Variants in ADAM33 observed in about 807,000 individuals in gnomAD.
ADAM33 encodes ADAM metallopeptidase domain 33.
A neutral mutation model predicts 106.2 loss-of-function variants in ADAM33; 103 were observed. That is an observed-to-expected ratio of 0.97 (90% CI 0.83 to 1.14). The LOEUF (loss-of-function observed/expected upper bound fraction) is 1.14. Ranked by LOEUF, ADAM33 falls within the 50% of genes most tolerant of loss-of-function variation. ADAM33 has a pLI of 0.00. For missense variants in ADAM33, 1,120 were observed against 1,096.6 expected, an observed-to-expected ratio of 1.02 and a Z score of -0.30; for synonymous variants, 483 against 453.0, an observed-to-expected ratio of 1.07 and a Z score of -0.84.
intron 21 of ADAM33, 89 bp from the exon 22 acceptor site, chr20:3,669,089 G>T: frequency 6.8e-7 from 1 of 1,467,006 alleles, no homozygotes; most frequent in South Asian, 1.1e-5. Flanking sequence ...ACTCAGTGAG[G>T]ACCAGTGATC....
intron 2 of ADAM33, among the ~76,000 whole-genome samples, chr20:3,678,232 G>GAT (rs1334929170): frequency 6.6e-6 from 1 of 152,256 alleles, no homozygotes; most frequent in Non-Finnish European, 1.5e-5. Flanking sequence ...CCTGCCCCTT[G>GAT]ATATATACCC....
Position 3,672,849 on chromosome 20 carries a change from C to T in ADAM33, c.1183G>A (p.Ala395Thr). Residue 395 changes from alanine to threonine, a missense_variant, in exon 12 of 22, where the codon GCC becomes ACC. Ala to Thr is a moderately conservative substitution (Grantham distance 58). Transcript: ENST00000356518. ...FSACSRRQLR[A>T]FFRKGGGACL... ...GCGCCGCCCCCCTTGCGGAAGAAGGCGCGCAGCTGGCGGCGGCTGCAGGCG... is the reference window on the plus strand; with the variant it reads ...GCGCCGCCCCCCTTGCGGAAGAAGGTGCGCAGCTGGCGGCGGCTGCAGGCG... The T allele has an allele frequency of 6.3e-7, 1 of 1,576,546 alleles. No individual in the cohort carries two copies. The highest frequency in any genetic ancestry group is 8.6e-7 in the Non-Finnish European group (1 of 1,169,244).
chr20:3,681,617 C>CTGGGGGA (rs2146495040), intron 1 of ADAM33, among the ~76,000 whole-genome samples: 1 of 152,134 alleles, frequency 6.6e-6, no homozygotes, highest in Admixed American at 6.5e-5. Context: ...GGGCTGGGGG[C>CTGGGGGA]TGGGCTGCCC....
At chr20:3,670,292 C>T (rs2087448156) in intron 19 of ADAM33, 1 of 165,674 alleles carries the variant, frequency 6.0e-6, no homozygotes, top group Non-Finnish European at 1.3e-5. Flanking sequence ...GCCCTCTGCC[C>T]CCATCTCTGG....
chr20:3,673,681 C>T lies in ADAM33; in HGVS notation c.906-23G>A, dbSNP rs1272920626. 4 of 1,349,218 alleles carry T rather than the reference C, an allele frequency of 3.0e-6. No individual in the cohort carries two copies. The African/African-American group carries it at 6.2e-5, about 21-fold the overall frequency. 83.6% of individuals were successfully genotyped at this position (1,349,218 alleles called of 1,614,324 possible). ...CCCCTGGGGGCGGAGCGCGGCGTGA[C>T]CAGGCGGGGCCGGGAGGTGAGGCCG... is the stretch of plus-strand genomic sequence containing the variant. On this transcript the variant is annotated intron_variant, in intron 9 of 21. Coordinates refer to ENST00000356518, the MANE Select transcript of ADAM33 (RefSeq NM_025220.5).
chr20:3,677,034 C>T (rs1213960599), intron 3 of ADAM33, 33 bp downstream of exon 3: 4 of 1,608,926 alleles, frequency 2.5e-6, no homozygotes, highest in Non-Finnish European at 3.4e-6. Context: ...CACTGATCCC[C>T]TCCTCCCAGC....
chr20:3,673,148 T>C (rs1366635885), intron 11 of ADAM33: 1 of 1,484,534 alleles, frequency 6.7e-7, no homozygotes, highest in Non-Finnish European at 8.9e-7. Flanking sequence ...CTCGCCAGGT[T>C]ACTCGGAAAA....
intron 19 of ADAM33, chr20:3,670,433 T>C (rs1012319174): frequency 6.2e-6 from 1 of 160,882 alleles, no homozygotes; most frequent in African/African-American, 2.4e-5. Flanking sequence ...CCATGCTTAG[T>C]ATTATGTGAC....
intron 2 of ADAM33, among the ~76,000 whole-genome samples, chr20:3,677,938 G>A (rs1275214674): frequency 1.3e-5 from 2 of 152,194 alleles, no homozygotes; most frequent in African/African-American, 2.4e-5. Context: ...AGGCTGCTGC[G>A]CCTTCGGAAT....
chr20:3,673,555 C>T lies in ADAM33; in HGVS notation c.990+19G>A. 7.1e-7 allele frequency: 1 copy of T among 1,403,306 alleles called. No individual in the cohort carries two copies. Among genetic ancestry groups the T allele is most frequent in the Admixed American group, 3.3e-5 (1 of 30,496 alleles). 86.9% of individuals were successfully genotyped at this position (1,403,306 alleles called of 1,614,324 possible). ...GTAGAGCCTCCTGTCTCTCCCTCGC[C>T]CCCGCCCGCGGGGCTCACCGTGCTC... On this transcript the variant is annotated intron_variant, in intron 10 of 21. Transcript: ENST00000356518.
chr20:3,674,575 C>A lies in ADAM33; in HGVS notation c.529G>T (p.Gly177Ter), dbSNP rs767758871. The change falls in exon 6 of 22, where the codon GGA (glycine) becomes TGA (stop). Residue 177 changes from glycine (G) to a stop codon, truncating the protein, a stop_gained. Coordinates refer to ENST00000356518, the MANE Select transcript of ADAM33 (RefSeq NM_025220.5). LOFTEE classifies it high-confidence loss of function. Reference sequence around the variant, plus strand: ...CCAGGATCCCTGTGGCCACAGGTTCCTTTCCAGGTGAGCAGCTGCTCCATC... The same window carrying A: ...CCAGGATCCCTGTGGCCACAGGTTCATTTCCAGGTGAGCAGCTGCTCCATC... ...FRMEQLLTWK[G>*]TCGHRDPGNK... 5.8e-5 allele frequency: 93 copies of A among 1,613,466 alleles called. No homozygotes were observed. The South Asian group carries it at 6.2e-4, about 11-fold the overall frequency.
In ADAM33 at chr20:3,671,900, G is replaced by C; in HGVS notation, c.1683C>G (p.Gly561=). The change falls in exon 15 of 22, where the codon GGC becomes GGG. Residue 561 remains glycine, a synonymous_variant. Coordinates refer to ENST00000356518, the MANE Select transcript of ADAM33 (RefSeq NM_025220.5). ...ACCTCCCTGCACAGGGCAGGAAGTG[G>C]CCCTCGCTGTCCTGGCCGCAGTTTC... ...AHGNCGQDSE[G]HFLPCAGRDA... is the part of the protein sequence containing the mutation. 6.4e-7 allele frequency: 1 copy of C among 1,553,910 alleles called. No individual in the cohort carries two copies.
Position 3,671,245 on chromosome 20 carries a change from T to C in ADAM33, c.2084A>G (p.Gln695Arg), listed in dbSNP as rs1227857759. 1.2e-6 allele frequency: 2 copies of C among 1,613,678 alleles called. No individual in the cohort carries two copies. The highest frequency in any genetic ancestry group is 1.7e-6 in the Non-Finnish European group (2 of 1,179,866). ...FGGSMDSGPV[Q>R]AENHDTFLLA... ...GCCCCCCACTGGCATACTTTCAGCC[T>C]GCACAGGGCCACTGTCCATGCTGCC... Residue 695 changes from glutamine to arginine, a missense_variant, in exon 18 of 22, where the codon CAG becomes CGG. Coordinates refer to ENST00000356518, the MANE Select transcript of ADAM33 (RefSeq NM_025220.5).
At chr20:3,679,203 G>A (rs1289309085) in intron 2 of ADAM33, among the ~76,000 whole-genome samples, 1 of 136,164 alleles carries the variant, frequency 7.3e-6, no homozygotes, top group East Asian at 2.1e-4. Context: ...ACCCATTTCT[G>A]CCTGGTGGGG....
At chr20:3,669,267 G>T (rs758884444) in intron 21 of ADAM33, 32 bp downstream of exon 21, 7 of 1,553,414 alleles carry the variant, frequency 4.5e-6, no homozygotes, top group African/African-American at 4.1e-5. Flanking sequence ...GGCGATGAGA[G>T]GGGGAGGCTT....
In ADAM33 at chr20:3,672,653, C is replaced by T. The variant is rs745871466; in HGVS notation, c.1312-27G>A. On this transcript the variant is annotated intron_variant, in intron 12 of 21. Coordinates refer to ENST00000356518, the MANE Select transcript of ADAM33 (RefSeq NM_025220.5). ...TGGGACCAGAAAGGCAAGAAGGGCC[C>T]AGGTGAGGGCGCAGCGCCCCAGACC... The T allele has an allele frequency of 5.0e-6, 8 of 1,612,140 alleles. No homozygotes were observed. The South Asian group carries it at 8.8e-5, about 18-fold the overall frequency.
intron 1 of ADAM33, among the ~76,000 whole-genome samples, chr20:3,681,430 T>C (rs1032013617): frequency 2.0e-5 from 3 of 152,144 alleles, no homozygotes; most frequent in Non-Finnish European, 4.4e-5. Context: ...CCACAGCTAG[T>C]TCTGCAGCCT....
rs943841158 is a variant in ADAM33 at position 3,668,670 on chromosome 20, C to G, written c.*293G>C. On this transcript the variant is annotated 3_prime_UTR_variant, in exon 22 of 22. Transcript: ENST00000356518. Reference sequence around the variant, plus strand: ...CCCTTTTGGGATGGCCAGCACTACCCAGCCTCCACTGGTGAGGGAGGTCAG... The same window carrying G: ...CCCTTTTGGGATGGCCAGCACTACCGAGCCTCCACTGGTGAGGGAGGTCAG... The G allele has an allele frequency of 8.7e-6, 4 of 460,288 alleles. No individual in the cohort carries two copies. The highest frequency in any genetic ancestry group is 1.6e-5 in the Non-Finnish European group (4 of 249,726). 28.5% of individuals were successfully genotyped at this position (460,288 alleles called of 1,614,324 possible).
chr20:3,675,190 T>G lies in ADAM33; in HGVS notation c.255-85A>C, dbSNP rs1178825778. 5 of 1,028,938 alleles carry G rather than the reference T, an allele frequency of 4.9e-6. No homozygotes were observed. Among genetic ancestry groups the G allele is most frequent in the Non-Finnish European group, 7.4e-6 (5 of 678,926 alleles). The allele number at this position is 1,028,938 out of a possible 1,614,324, so 63.7% of individuals were successfully genotyped here. The stretch of plus-strand genomic sequence containing the variant: ...TCTCCCAGCCTTCCTCCCTAAATGC[T>G]AATGGAGCAGCTTTATGAGTGAGAC... On this transcript the variant is annotated intron_variant, in intron 3 of 21. Coordinates refer to ENST00000356518, the MANE Select transcript of ADAM33 (RefSeq NM_025220.5). This position sits in a 1 kb window ranked among gnomAD's most constrained non-coding sequence, Gnocchi z 4.1.
Sources: gnomAD v4.1 joint callset for allele counts (sites outside exome capture counted in the v4.1 genomes callset) on GRCh38, gnomAD v4.1.1 for gene constraint, Gnocchi (gnomAD v3.1) non-coding constraint, MANE v1.5 for transcripts, NCBI Gene and HGNC (gene_info 2026-07-23, HGNC 2026-07-21) for gene names.